MXRA5: variants seen among roughly 807,000 people sequenced by gnomAD.
The protein encoded by MXRA5 is matrix remodeling associated 5.
Under a neutral mutation model 112.5 loss-of-function variants are expected in MXRA5, and 41 were observed. That is an observed-to-expected ratio of 0.36 (90% CI 0.28 to 0.47). The LOEUF (loss-of-function observed/expected upper bound fraction) is 0.47. Among genes scored for constraint, MXRA5 ranks in the 20% least tolerant of loss-of-function variants. The pLI is 0.99. For missense variants in MXRA5, 2,150 were observed against 2,251.0 expected, an observed-to-expected ratio of 0.96 and a Z score of 0.91; for synonymous variants, 862 against 900.8, an observed-to-expected ratio of 0.96 and a Z score of 0.77.
At chrX:3,319,809 CT>C (rs958271318) in intron 5 of MXRA5, among the ~76,000 whole-genome samples, 198 bp downstream of exon 5, 3 of 111,156 alleles carry the variant, frequency 2.7e-5, no homozygotes, top group East Asian at 5.6e-4. Flanking sequence ...CATGTTCCCC[CT>C]GTGTCTAAAA....
chrX:3,315,999 T>C (rs1921107334), intron 6 of MXRA5, among the ~76,000 whole-genome samples: 1 of 94,630 alleles, frequency 1.1e-5, no homozygotes, highest in Non-Finnish European at 2.1e-5. Context: ...AAGTTAAGTA[T>C]TTGTTAAGAA....
chrX:3,335,037 C>T (rs1013644303), intron 2 of MXRA5, among the ~76,000 whole-genome samples: 1 of 111,511 alleles, frequency 9.0e-6, no homozygotes, highest in African/African-American at 3.3e-5. Context: ...CATTCAGCGT[C>T]GTTCAGAGTC....
Position 3,317,280 on chromosome X carries a change from G to A in MXRA5, c.6401C>T (p.Thr2134Met). ...AANLVGSARRTVQLNVQRAAA... is the reference protein window; with the variant it reads ...AANLVGSARRMVQLNVQRAAA... ...TGCACGCTGCACGTTCAGCTGCACC[G>A]TCCTGCGCGCGGAGCCTACCAGGTT... The change falls in exon 6 of 7, where the codon ACG becomes ATG. Residue 2134 changes from threonine (T) to methionine (M), a missense_variant. By Grantham distance (81) the Thr-to-Met change is moderately conservative. Around this residue, in one of 6 missense-constraint regions of MXRA5, gnomAD observed 1,485 missense variants for 1,471.6 expected, o/e 1.01. Transcript: ENST00000217939. 8.3e-7 allele frequency: 1 copy of A among 1,207,344 alleles called. No homozygotes were observed. Among genetic ancestry groups the A allele is most frequent in the South Asian group, 1.8e-5 (1 of 56,319 alleles).
At chrX:3,319,899 C>A in intron 5 of MXRA5, 109 bp downstream of exon 5, 1 of 549,033 alleles carries the variant, frequency 1.8e-6, no homozygotes, top group Non-Finnish European at 2.8e-6. Flanking sequence ...AAAAATTTCT[C>A]CTAATGTGTT....
At position 3,343,606 on chromosome X, in the gene MXRA5, C is replaced by T. The variant is rs370837370; in HGVS notation, c.188+40G>A. On this transcript the variant is annotated intron_variant, in intron 2 of 6. Transcript: ENST00000217939. ...ACGCAAAACCAGATCAAGACGCACG[C>T]ACTGACAGTGGGAAGGTTCGGGAAG... The T allele has an allele frequency of 1.8e-4, 204 of 1,155,124 alleles. 1 individual carries two copies. Among genetic ancestry groups the T allele is most frequent in the Admixed American group, 3.5e-4 (16 of 45,157 alleles).
intron 4 of MXRA5, among the ~76,000 whole-genome samples, chrX:3,328,999 TGGGAAGCAGGGA>T (rs1828061954): frequency 2.0e-5 from 1 of 48,881 alleles, no homozygotes. Flanking sequence ...GGAGGGAAGG[TGGGAAGCAGGGA>T]GGGAAGGAGG....
rs1445597887 is a variant in MXRA5, at chrX:3,324,300, G to A, written c.1385C>T (p.Thr462Ile). ...CTGCCTTGTATCTTTGGTGGATATT[G>A]TTTGAGAATACTGGGTGTAGTAGGA... ...LLSYYTQYSQ[T>I]ISTKDTRQAR... Residue 462 changes from threonine to isoleucine, a missense_variant, in exon 5 of 7, where the codon ACA becomes ATA. Transcript: ENST00000217939. 10 of 1,209,868 alleles carry A rather than the reference G, an allele frequency of 8.3e-6. 1 individual carries two copies. Among genetic ancestry groups the A allele is most frequent in the Middle Eastern group, 4.6e-4 (2 of 4,375 alleles).
At chrX:3,328,249 G>A (rs1921559120) in intron 4 of MXRA5, among the ~76,000 whole-genome samples, 1 of 112,326 alleles carries the variant, frequency 8.9e-6, no homozygotes, top group Non-Finnish European at 1.9e-5. Flanking sequence ...CCTCTTGAAT[G>A]TCTAGCAGTA....
At position 3,310,670 on chromosome X, in the gene MXRA5, G is replaced by A. The variant is rs41304695; in HGVS notation, c.7533C>T (p.Ser2511=). Residue 2511 remains serine (S), a synonymous_variant, in exon 7 of 7, where the codon AGC becomes AGT. Coordinates refer to ENST00000217939, the MANE Select transcript of MXRA5 (RefSeq NM_015419.4). ...GSLDIRSLRK[S]DSVQLVCMAR... Reference sequence around the variant, plus strand: ...CCATGCATACCAGCTGGACGGAGTCGCTCTTCCTCAAACTCCTGATGTCCA... The same window carrying A: ...CCATGCATACCAGCTGGACGGAGTCACTCTTCCTCAAACTCCTGATGTCCA... The A allele has an allele frequency of 0.051, 58,729 of 1,159,323 alleles. 1,180 individuals carry two copies. The highest frequency in any genetic ancestry group is 0.071 in the Middle Eastern group (248 of 3,474).
At chrX:3,325,078 G>T in intron 4 of MXRA5, 103 bp from the exon 5 acceptor site, 1 of 943,311 alleles carries the variant, frequency 1.1e-6, no homozygotes, top group Non-Finnish European at 1.4e-6. Context: ...TTATCACCCA[G>T]CTGTAATCCC....
chrX:3,338,731 TGATA>T (rs1398552592), intron 2 of MXRA5, among the ~76,000 whole-genome samples: 3 of 110,247 alleles, frequency 2.7e-5, no homozygotes, highest in South Asian at 7.9e-4. Flanking sequence ...ATAGATAGAT[TGATA>T]GATAGATGAT....
intron 6 of MXRA5, among the ~76,000 whole-genome samples, chrX:3,314,881 C>CAGAT (rs77892728): frequency 0.24 from 24,328 of 102,422 alleles, 2,496 homozygotes; most frequent in South Asian, 0.26. Flanking sequence ...GGTAGGTAGG[C>CAGAT]AGATAGATAG....
chrX:3,321,121 A>G lies in MXRA5; in HGVS notation c.4564T>C (p.Ser1522Pro). The G allele has an allele frequency of 8.3e-7, 1 of 1,211,341 alleles. No homozygotes were observed. The highest frequency in any genetic ancestry group is 1.1e-6 in the Non-Finnish European group (1 of 895,190). The change falls in exon 5 of 7, where the codon TCT becomes CCT. Residue 1522 changes from serine to proline, a missense_variant. Ser to Pro is a moderately conservative substitution (Grantham distance 74). Transcript: ENST00000217939. Reference protein sequence around the residue: ...ALPSPRISQASRDSKENVFLN... With the variant: ...ALPSPRISQAPRDSKENVFLN... ...AAAACATTTTCCTTGGAATCTCTAGATGCTTGAGATATTCTTGGACTGGGA... is the reference window on the plus strand; with the variant it reads ...AAAACATTTTCCTTGGAATCTCTAGGTGCTTGAGATATTCTTGGACTGGGA...
Position 3,330,218 on chromosome X carries a change from G to A in MXRA5, c.509C>T (p.Thr170Ile), listed in dbSNP as rs749579187. Residue 170 changes from threonine (T) to isoleucine (I), a missense_variant, in exon 4 of 7, where the codon ACC becomes ATC. Thr to Ile is a moderately conservative substitution (Grantham distance 89). This residue lies in a region of MXRA5 where 386 missense variants were observed against 411.0 expected (regional missense o/e 0.94). Transcript: ENST00000217939. ...GNLLHQLHPS[T>I]FSTFTFLDYF... ...ATCCAAAAATGTGAACGTGGAGAAG[G>A]TGCTGGGGTGCAGCTGGTGGAGGAG... 1 of 1,210,642 alleles carries A rather than the reference G, an allele frequency of 8.3e-7. No individual in the cohort carries two copies. Among genetic ancestry groups the A allele is most frequent in the Non-Finnish European group, 1.1e-6 (1 of 894,936 alleles).
rs139374542 is a variant in MXRA5, at chrX:3,322,348, C to T, written c.3337G>A (p.Ala1113Thr). ...AGGAGGGTACCAACTGTGGTTTCCGCAGGCTTCTTAACTGGAGACATACTG... is the reference window on the plus strand; with the variant it reads ...AGGAGGGTACCAACTGTGGTTTCCGTAGGCTTCTTAACTGGAGACATACTG... ...MSSMSPVKKP[A>T]ETTVGTLLDK... Residue 1113 changes from alanine (A) to threonine (T), a missense_variant, in exon 5 of 7, where the codon GCG becomes ACG. Around this residue, in one of 6 missense-constraint regions of MXRA5, gnomAD observed 1,485 missense variants for 1,471.6 expected, o/e 1.01. Coordinates refer to ENST00000217939, the MANE Select transcript of MXRA5 (RefSeq NM_015419.4). 18 of 1,209,212 alleles carry T rather than the reference C, an allele frequency of 1.5e-5. No homozygotes were observed. Among genetic ancestry groups the T allele is most frequent in the Non-Finnish European group, 1.9e-5 (17 of 895,147 alleles).
chrX:3,343,962 C>T, intron 1 of MXRA5, 101 bp from the exon 2 acceptor site: 1 of 616,444 alleles, frequency 1.6e-6, no homozygotes, highest in African/African-American at 2.2e-5. Flanking sequence ...TCAAGCTTCC[C>T]AGGACTTCAC....
intron 4 of MXRA5, among the ~76,000 whole-genome samples, chrX:3,327,261 A>G (rs149945184): frequency 0.18 from 19,658 of 110,943 alleles, 1,951 homozygotes; most frequent in African/African-American, 0.36. Context: ...CAAACACCTC[A>G]ACATGCGAAT....
At chrX:3,333,302 C>CAAAAAAAAAAAAAA in intron 2 of MXRA5, among the ~76,000 whole-genome samples, 16 of 14,809 alleles carry the variant, frequency 1.1e-3, no homozygotes, top group Non-Finnish European at 1.4e-3. Flanking sequence ...TACCCCATAT[C>CAAAAAAAAAAAAAA]AAAAAAAAAA....
In MXRA5 at chrX:3,311,453, C is replaced by T. The variant is rs138802054; in HGVS notation, c.6750G>A (p.Glu2250=). The change falls in exon 7 of 7, where the codon GAG becomes GAA. Residue 2250 remains glutamate (E), a synonymous_variant. Coordinates refer to ENST00000217939, the MANE Select transcript of MXRA5 (RefSeq NM_015419.4). ...CCCCGTAGAAGACTTTGTGGTCGTT[C>T]TCCTCCTTGTGTTCAATCTTGGCCG... ...MKPAKIEHKE[E]NDHKVFYGGD... is the part of the protein sequence containing the mutation. 8 of 1,210,068 alleles carry T rather than the reference C, an allele frequency of 6.6e-6. No individual in the cohort carries two copies. Among genetic ancestry groups the T allele is most frequent in the Non-Finnish European group, 7.8e-6 (7 of 895,303 alleles).
Sources: gnomAD v4.1 joint callset for allele counts (sites outside exome capture counted in the v4.1 genomes callset) on GRCh38, gnomAD v4.1.1 for gene constraint, gnomAD v4.1.1 regional missense constraint, MANE v1.5 for transcripts, NCBI Gene and HGNC (gene_info 2026-07-23, HGNC 2026-07-21) for gene names.